The following CLVS1 variants were observed in gnomAD, a reference collection of about 807,000 sequenced individuals.
CLVS1 encodes the protein clavesin-1.
In CLVS1, 10 loss-of-function variants were observed where a neutral mutation model predicts 33.1. The ratio of observed to expected loss-of-function variants is 0.30; its 90% confidence interval spans 0.19 to 0.51. The LOEUF is 0.51. Ranked by LOEUF, CLVS1 falls within the 20% of genes least tolerant of loss-of-function variation. The probability of loss-of-function intolerance (pLI) is 0.97; values close to 1 mark genes in which losing one functional copy is unlikely to be tolerated. For missense variants in CLVS1, 343 were observed against 433.4 expected, an observed-to-expected ratio of 0.79 and a Z score of 1.85; for synonymous variants, 163 against 166.1, an observed-to-expected ratio of 0.98 and a Z score of 0.14.
At chr8:61,240,266 C>T (rs1209332393) in intron 2 of CLVS1, among the ~76,000 whole-genome samples, 1 of 152,208 alleles carries the variant, frequency 6.6e-6, no homozygotes, top group East Asian at 1.9e-4. Flanking sequence ...CTCTCACCTC[C>T]GTTCTCCCCC....
the CLVS1 span, among the ~76,000 whole-genome samples, chr8:60,985,686 G>A: frequency 1.1e-4 from 16 of 152,118 alleles, no homozygotes; most frequent in East Asian, 5.8e-4. Flanking sequence ...GATTGAACCC[G>A]TGTAATTGTA....
chr8:61,279,227 C>T lies in CLVS1; in HGVS notation c.-151-20450C>T, dbSNP rs571552566. Among the ~76,000 whole-genome samples the T allele has an allele frequency of 8.4e-4, 128 of 152,318 alleles. 3 individuals are homozygous for T. The South Asian group carries it at 0.025, about 30-fold the overall frequency. On this transcript the variant is annotated intron_variant, in intron 2 of 2. Transcript: ENST00000522621. ...TGTCATGACAAGCACCTACTCAGAG[C>T]TGGCTCTTATTTTGCATCCCAGCTC...
At chr8:61,272,074 G>A (rs1193605713) in intron 2 of CLVS1, among the ~76,000 whole-genome samples, 1 of 151,380 alleles carries the variant, frequency 6.6e-6, no homozygotes, top group African/African-American at 2.4e-5. Context: ...AGTTGATGCA[G>A]TTTCTTCCTA....
intron 2 of CLVS1, among the ~76,000 whole-genome samples, chr8:61,324,184 A>G (rs961922513): frequency 6.6e-6 from 1 of 152,068 alleles, no homozygotes; most frequent in African/African-American, 2.4e-5. Flanking sequence ...CCCCACCCAA[A>G]TCTTTTCTTG....
At chr8:61,455,018 C>T (rs1817095251) in intron 4 of CLVS1, among the ~76,000 whole-genome samples, 2 of 152,210 alleles carry the variant, frequency 1.3e-5, no homozygotes, top group South Asian at 4.1e-4. Flanking sequence ...TACCATTTAG[C>T]TCTCTTTTCT....
At chr8:61,316,771 C>T (rs1332078828) in intron 2 of CLVS1, among the ~76,000 whole-genome samples, 1 of 152,170 alleles carries the variant, frequency 6.6e-6, no homozygotes, top group East Asian at 1.9e-4. Context: ...GTGATGAGAG[C>T]TCAGGTGCCT....
chr8:61,245,480 C>G (rs116343713), intron 2 of CLVS1, among the ~76,000 whole-genome samples: 5 of 152,006 alleles, frequency 3.3e-5, no homozygotes, highest in African/African-American at 9.6e-5. Context: ...CCACTGCACC[C>G]GGCCAGATCT....
At chr8:61,185,308 A>ATT (rs11423051) in intron 2 of CLVS1, among the ~76,000 whole-genome samples, 4,400 of 138,656 alleles carry the variant, frequency 0.032, 208 homozygotes, top group African/African-American at 0.098. Flanking sequence ...TGCCCGGCTA[A>ATT]TTTTTTTTTT....
intron 3 of CLVS1, among the ~76,000 whole-genome samples, chr8:61,424,736 T>C (rs938667526): frequency 3.3e-5 from 5 of 152,218 alleles, no homozygotes; most frequent in African/African-American, 9.6e-5. Flanking sequence ...TAGGTAAAGG[T>C]AGCTAAGAAT....
intron 2 of CLVS1, among the ~76,000 whole-genome samples, chr8:61,347,143 C>T (rs992223892): frequency 6.6e-6 from 1 of 152,266 alleles, no homozygotes; most frequent in East Asian, 1.9e-4. Context: ...CACAGACATG[C>T]TGAGCCTTGT....
rs151311641 is a variant in CLVS1 at position 61,417,316 on chromosome 8, A to G, written c.631-36825A>G. On this transcript the variant is annotated intron_variant, in intron 3 of 5. Transcript: ENST00000325897. ...AGCACTAAATACAACACTGTATTTA[A>G]GAAACATGGAATACATCTGAATCTA... Among the ~76,000 whole-genome samples, 1,088 of 152,370 alleles carry G rather than the reference A, an allele frequency of 7.1e-3. 19 individuals carry two copies. The highest frequency in any genetic ancestry group is 0.024 in the African/African-American group (1,012 of 41,590).
chr8:61,152,771 C>G (rs1002599105), intron 2 of CLVS1, among the ~76,000 whole-genome samples: 4 of 152,176 alleles, frequency 2.6e-5, no homozygotes, highest in African/African-American at 9.7e-5. Flanking sequence ...CCCAGCATCT[C>G]CTAAAGGCGC....
intron 2 of CLVS1, among the ~76,000 whole-genome samples, chr8:61,221,835 G>A (rs1232001593): frequency 6.6e-6 from 1 of 152,094 alleles, no homozygotes; most frequent in Non-Finnish European, 1.5e-5. Flanking sequence ...TGGTTGGTAG[G>A]TTGTCAATTA....
At chr8:61,419,661 C>T (rs1815579755) in intron 3 of CLVS1, among the ~76,000 whole-genome samples, 1 of 152,224 alleles carries the variant, frequency 6.6e-6, no homozygotes, top group Admixed American at 6.5e-5. Context: ...TTGGAAACCT[C>T]CTCAGGGAAA....
At chr8:61,476,742 A>C (rs1035694324) in intron 5 of CLVS1, among the ~76,000 whole-genome samples, 2 of 152,186 alleles carry the variant, frequency 1.3e-5, no homozygotes, top group African/African-American at 4.8e-5. Flanking sequence ...GTCATCTTCA[A>C]ACAGGGACAA....
At chr8:61,367,832 G>A (rs908159981) in intron 2 of CLVS1, among the ~76,000 whole-genome samples, 1 of 152,154 alleles carries the variant, frequency 6.6e-6, no homozygotes, top group African/African-American at 2.4e-5. Context: ...GTCTCCTACT[G>A]ATTTCCATCT....
At chr8:61,361,415 A>C (rs145519250) in intron 2 of CLVS1, among the ~76,000 whole-genome samples, 55 of 152,338 alleles carry the variant, frequency 3.6e-4, no homozygotes, top group African/African-American at 1.3e-3. Flanking sequence ...TTTTGTCCAC[A>C]TAATCCCAAG....
upstream of CLVS1, among the ~76,000 whole-genome samples, chr8:61,052,654 G>T (rs186814456): frequency 1.4e-3 from 219 of 152,314 alleles, 2 homozygotes; most frequent in Non-Finnish European, 2.5e-3. Context: ...CATGTGACCT[G>T]AGCTGAGGGA....
upstream of CLVS1, among the ~76,000 whole-genome samples, chr8:61,056,583 T>C (rs2129276977): frequency 6.6e-6 from 1 of 152,292 alleles, no homozygotes; most frequent in East Asian, 1.9e-4. Context: ...GCCTGACTCA[T>C]AATTCAGGAC....
Sources: allele counts gnomAD v4.1 joint callset (sites outside exome capture counted in the v4.1 genomes callset), GRCh38; gene constraint gnomAD v4.1.1; transcripts MANE v1.5; gene names NCBI Gene and HGNC (gene_info 2026-07-23, HGNC 2026-07-21).